The following STRN3 variants were observed in gnomAD, a reference collection of about 807,000 sequenced individuals.
STRN3 encodes striatin 3, also known as striatin-3.
Under a neutral mutation model 95.6 loss-of-function variants are expected in STRN3, and 29 were observed. That is an observed-to-expected ratio of 0.30 (90% CI 0.23 to 0.41). STRN3 has a LOEUF of 0.41. Ranked by LOEUF, STRN3 falls within the 10% of genes least tolerant of loss-of-function variation. The pLI is 1.00. For synonymous variants in STRN3, 331 were observed against 357.6 expected (o/e 0.93, Z 0.84); for missense variants, 890 against 972.1 (o/e 0.92, Z 1.12).
chr14:30,944,381 C>T (rs775522068), intron 5 of STRN3, among the ~76,000 whole-genome samples: 22 of 151,496 alleles, frequency 1.5e-4, no homozygotes, highest in Admixed American at 7.2e-4. Flanking sequence ...CTTTAATAGT[C>T]ATTTCTCAGA....
intron 7 of STRN3, among the ~76,000 whole-genome samples, chr14:30,929,974 A>AAAAAAAAAAC (rs1566441515): frequency 6.7e-6 from 1 of 149,904 alleles, no homozygotes; most frequent in African/African-American, 2.4e-5. Flanking sequence ...AAAAAAAAAA[A>AAAAAAAAAAC]AAAAACTCAA....
At chr14:31,016,903 C>T (rs1262380554) in intron 1 of STRN3, among the ~76,000 whole-genome samples, 1 of 152,170 alleles carries the variant, frequency 6.6e-6, no homozygotes, top group Admixed American at 6.5e-5. Flanking sequence ...ACCTGTAATC[C>T]TAGCACTTTG....
intron 9 of STRN3, among the ~76,000 whole-genome samples, chr14:30,918,136 TA>T (rs1219345134): frequency 6.6e-6 from 1 of 152,178 alleles, no homozygotes; most frequent in East Asian, 1.9e-4. Context: ...GCTACCAAGT[TA>T]AAGAATAATG....
chr14:30,943,298 T>G (rs1221962415), intron 5 of STRN3, among the ~76,000 whole-genome samples: 1 of 152,156 alleles, frequency 6.6e-6, no homozygotes, highest in East Asian at 1.9e-4. Flanking sequence ...AACAACTATT[T>G]CCGGCCAGGC....
Position 30,902,171 on chromosome 14 carries a change from CAAAAAAAAAAAAAAAAAAA to C in STRN3, c.2137+346_2137+364del, listed in dbSNP as rs71112350. ...GGGCAACAAGAGCAAAACTCCGCCTCAAAAAAAAAAAAAAAAAAAAAAAAAAAAAAAAAAAAATGGAAAT... is the reference window on the plus strand; with the variant it reads ...GGGCAACAAGAGCAAAACTCCGCCTCAAAAAAAAAAAAAAAAAATGGAAAT... On this transcript the variant is annotated intron_variant, in intron 16 of 17. Coordinates refer to ENST00000357479, the MANE Select transcript of STRN3 (RefSeq NM_001083893.2). Among the ~76,000 whole-genome samples, 27 of 39,854 alleles carry C rather than the reference CAAAAAAAAAAAAAAAAAAA, an allele frequency of 6.8e-4. 2 individuals carry two copies. Among genetic ancestry groups the C allele is most frequent in the East Asian group, 7.5e-4 (1 of 1,336 alleles). The allele number at this position is 39,854 out of a possible 152,430, so 26.1% of individuals were successfully genotyped here.
intron 8 of STRN3, among the ~76,000 whole-genome samples, chr14:30,921,071 T>TAC (rs921860938): frequency 3.1e-4 from 36 of 116,682 alleles, no homozygotes; most frequent in African/African-American, 1.0e-3. Flanking sequence ...CACATACATA[T>TAC]ACACACACAC....
chr14:30,992,565 TAAAAAA>T (rs58987293), intron 1 of STRN3, among the ~76,000 whole-genome samples: 2 of 94,070 alleles, frequency 2.1e-5, no homozygotes, highest in African/African-American at 4.3e-5. Flanking sequence ...CCTGTCTCTT[TAAAAAA>T]AAAAAAAAAA....
intron 1 of STRN3, among the ~76,000 whole-genome samples, chr14:31,010,154 A>T (rs927639830): frequency 2.6e-5 from 4 of 152,210 alleles, no homozygotes; most frequent in Non-Finnish European, 5.9e-5. Flanking sequence ...TCAGTAAAAA[A>T]GGAAATAGGA....
At chr14:30,935,450 AAAT>A in intron 6 of STRN3, 146 bp from the exon 7 acceptor site, 1 of 824,134 alleles carries the variant, frequency 1.2e-6, no homozygotes, top group Non-Finnish European at 1.8e-6. Flanking sequence ...CACAAATCCC[AAAT>A]TATACTTCAG....
At chr14:31,022,355 G>C (rs1179275983) in intron 1 of STRN3, among the ~76,000 whole-genome samples, 1 of 149,160 alleles carries the variant, frequency 6.7e-6, no homozygotes, top group African/African-American at 2.5e-5. Context: ...ACTCCAGCCT[G>C]GGCGACAGTA....
In STRN3 at chr14:30,895,717, C is replaced by G; in HGVS notation, c.2169G>C (p.Leu723Phe). 6.2e-7 allele frequency: 1 copy of G among 1,613,824 alleles called. No individual in the cohort carries two copies. Among genetic ancestry groups the G allele is most frequent in the Non-Finnish European group, 8.5e-7 (1 of 1,179,946 alleles). Residue 723 changes from leucine (L) to phenylalanine (F), a missense_variant, in exon 17 of 18, where the codon TTG (leucine) becomes TTC (phenylalanine). This residue lies in a region of STRN3 where 357 missense variants were observed against 422.8 expected (regional missense o/e 0.84). Coordinates refer to ENST00000357479, the MANE Select transcript of STRN3 (RefSeq NM_001083893.2). ...CTACTGCTAGACTTGTAACAGCATC[C>G]AAGTGAGCTACCATAGAATGGATCA... is the stretch of plus-strand genomic sequence containing the variant. ...GKMIHSMVAH[L>F]DAVTSLAVDP...
At chr14:30,940,701 T>C (rs752201245) in intron 5 of STRN3, among the ~76,000 whole-genome samples, 1 of 152,192 alleles carries the variant, frequency 6.6e-6, no homozygotes, top group Non-Finnish European at 1.5e-5. Flanking sequence ...TCCCTGGAAA[T>C]ACATTCTGAA....
chr14:30,905,703 G>C (rs567796090), intron 14 of STRN3, 145 bp from the exon 15 acceptor site: 11 of 805,850 alleles, frequency 1.4e-5, no homozygotes. Context: ...ACACAACTGT[G>C]TCAGGATGGT....
At chr14:30,986,935 A>T (rs1234998335) in intron 1 of STRN3, among the ~76,000 whole-genome samples, 3 of 152,206 alleles carry the variant, frequency 2.0e-5, no homozygotes, top group Admixed American at 2.0e-4. Context: ...CAAAAAGTTC[A>T]TTTTTTTATA....
chr14:30,948,497 G>T (rs1249182545), intron 4 of STRN3, among the ~76,000 whole-genome samples: 1 of 152,126 alleles, frequency 6.6e-6, no homozygotes, highest in Admixed American at 6.5e-5. Flanking sequence ...AAATATTTGA[G>T]AAATTAGAGG....
Position 30,909,552 on chromosome 14 carries a change from A to G in STRN3, c.1720+1489T>C, listed in dbSNP as rs538068623. Among the ~76,000 whole-genome samples, 4 of 152,264 alleles carry G rather than the reference A, an allele frequency of 2.6e-5. 1 individual carries two copies. The highest frequency in any genetic ancestry group is 9.6e-5 in the African/African-American group (4 of 41,558). ...GAGTACACTGGCACCATCATAGCTC[A>G]CTACAGCCTTTACTTCTCACACTCA... is the stretch of plus-strand genomic sequence containing the variant. On this transcript the variant is annotated intron_variant, in intron 13 of 17. Coordinates refer to ENST00000357479, the MANE Select transcript of STRN3 (RefSeq NM_001083893.2).
At chr14:30,906,729 A>C in intron 14 of STRN3, 148 bp downstream of exon 14, 1 of 872,572 alleles carries the variant, frequency 1.1e-6, no homozygotes, top group Non-Finnish European at 1.7e-6. Flanking sequence ...ACTTCAAAAA[A>C]ATGAGTAAAA....
intron 1 of STRN3, among the ~76,000 whole-genome samples, chr14:30,984,266 T>TAAAAAAAAAAAAAAAAAA (rs755650146): frequency 2.3e-5 from 2 of 86,854 alleles, no homozygotes; most frequent in Non-Finnish European, 2.0e-5. Flanking sequence ...TGAGGAATTC[T>TAAAAAAAAAAAAAAAAAA]AAAAAAAAAA....
chr14:30,903,649 T>C (rs77864021), intron 15 of STRN3, among the ~76,000 whole-genome samples: 8 of 152,336 alleles, frequency 5.3e-5, no homozygotes, highest in Admixed American at 2.6e-4. Context: ...TCTTCCCACA[T>C]TGGCCTCCCA....
Sources: gnomAD v4.1 joint callset for allele counts (sites outside exome capture counted in the v4.1 genomes callset) on GRCh38, gnomAD v4.1.1 for gene constraint, gnomAD v4.1.1 regional missense constraint, MANE v1.5 for transcripts, NCBI Gene and HGNC (gene_info 2026-07-23, HGNC 2026-07-21) for gene names.